Variants in BTNL8 observed in about 807,000 individuals in gnomAD.
The protein encoded by BTNL8 is butyrophilin-like protein 8.
BTNL8 carries 22 observed loss-of-function variants against 36.1 expected under a neutral mutation model. That is an observed-to-expected ratio of 0.61 (90% CI 0.44 to 0.87). BTNL8 has a LOEUF of 0.87. Among genes scored for constraint, BTNL8 ranks in the 40% least tolerant of loss-of-function variants. BTNL8 has a pLI of 0.00. For synonymous variants in BTNL8, 203 were observed against 235.6 expected (o/e 0.86, Z 1.27); for missense variants, 526 against 616.9 (o/e 0.85, Z 1.56).
chr5:180,920,795 C>A (rs2113805239), intron 3 of BTNL8, among the ~76,000 whole-genome samples: 1 of 152,084 alleles, frequency 6.6e-6, no homozygotes, highest in South Asian at 2.1e-4. Flanking sequence ...TAAACATTTT[C>A]CCCAAAAGAC....
intron 2 of BTNL8, chr5:180,909,430 G>A (rs1175484422): frequency 2.9e-5 from 13 of 442,840 alleles, no homozygotes; most frequent in Non-Finnish European, 3.6e-5. Flanking sequence ...AACAAATAAA[G>A]ATTCCTGCTC....
intron 1 of BTNL8, chr5:180,902,214 C>G: frequency 1.3e-6 from 1 of 758,800 alleles, no homozygotes; most frequent in Non-Finnish European, 2.0e-6. Flanking sequence ...AGCAAATGGG[C>G]AGATGGGAGA....
chr5:180,945,914 T>C (rs563341316), intron 3 of BTNL8: 5 of 279,694 alleles, frequency 1.8e-5, no homozygotes, highest in East Asian at 8.9e-5. Flanking sequence ...CTAAGTGCTC[T>C]TCCTTGAATG....
At chr5:180,923,510 G>A (rs1040993026) in intron 3 of BTNL8, among the ~76,000 whole-genome samples, 34 of 152,226 alleles carry the variant, frequency 2.2e-4, no homozygotes, top group Admixed American at 1.6e-3. Flanking sequence ...CAGAAGAGCA[G>A]TTCTTTCATC....
intron 1 of BTNL8, among the ~76,000 whole-genome samples, chr5:180,907,795 GC>G (rs1252413141): frequency 6.6e-6 from 1 of 151,788 alleles, no homozygotes; most frequent in Non-Finnish European, 1.5e-5. Context: ...GTGTCAGTGT[GC>G]CCCTGCTGGG....
intron 3 of BTNL8, among the ~76,000 whole-genome samples, chr5:180,938,577 C>T (rs1415189628): frequency 2.7e-5 from 4 of 148,710 alleles, no homozygotes; most frequent in Admixed American, 6.7e-5. Context: ...CTTGCTCTGT[C>T]GCCAGGCTGG....
Position 180,947,832 on chromosome 5 carries a change from T to C in BTNL8, c.787+207T>C, listed in dbSNP as rs946571952. ...ACTACGACAGCCCCTTGCTACTTCA[T>C]TTAGGTCAAATAATAAGGGGATGAA... On this transcript the variant is annotated intron_variant, in intron 4 of 7. Coordinates refer to ENST00000340184, the MANE Select transcript of BTNL8 (RefSeq NM_001040462.3). The C allele has an allele frequency of 5.3e-6, 8 of 1,513,240 alleles. No individual in the cohort carries two copies. In the Admixed American group the frequency reaches 1.6e-4, roughly 29 times the overall value. The allele number at this position is 1,513,240 out of a possible 1,614,324, so 93.7% of individuals were successfully genotyped here. A position where few individuals can be genotyped will look rare whatever the true frequency, so the allele number is the denominator to read the frequency against.
intron 3 of BTNL8, among the ~76,000 whole-genome samples, chr5:180,915,967 A>G (rs1430787744): frequency 6.6e-6 from 1 of 152,238 alleles, no homozygotes; most frequent in African/African-American, 2.4e-5. Context: ...ATGCTGCTGT[A>G]CCAGAATACC....
chr5:180,939,048 A>G (rs1438597746), intron 3 of BTNL8, among the ~76,000 whole-genome samples: 1 of 152,176 alleles, frequency 6.6e-6, no homozygotes, highest in African/African-American at 2.4e-5. Context: ...AGATATGAAA[A>G]TGAGAAAGAG....
intron 3 of BTNL8, among the ~76,000 whole-genome samples, chr5:180,914,164 G>A (rs1757523281): frequency 6.6e-6 from 1 of 152,194 alleles, no homozygotes; most frequent in South Asian, 2.1e-4. Context: ...TTTTTAGGAG[G>A]TGATTAAGTC....
intron 1 of BTNL8, among the ~76,000 whole-genome samples, chr5:180,899,924 C>T (rs1040910660): frequency 6.6e-6 from 1 of 152,132 alleles, no homozygotes; most frequent in African/African-American, 2.4e-5. Flanking sequence ...ATACAATTCA[C>T]AGAGGAAGCT....
At chr5:180,925,733 T>C (rs1758065789) in intron 3 of BTNL8, among the ~76,000 whole-genome samples, 1 of 152,168 alleles carries the variant, frequency 6.6e-6, no homozygotes, top group African/African-American at 2.4e-5. Flanking sequence ...AAATAATATA[T>C]AGTCATATTC....
At chr5:180,927,003 C>T (rs62406722) in intron 3 of BTNL8, among the ~76,000 whole-genome samples, 36,648 of 152,160 alleles carry the variant, frequency 0.24, 5,048 homozygotes, top group Admixed American at 0.3. Context: ...CAAGTGGGTC[C>T]CTGACCCCTG....
Position 180,911,504 on chromosome 5 carries a change from T to C in BTNL8, c.563T>C (p.Leu188Pro). 6.2e-7 allele frequency: 1 copy of C among 1,614,166 alleles called. No individual in the cohort carries two copies. The highest frequency in any genetic ancestry group is 8.5e-7 in the Non-Finnish European group (1 of 1,180,032). ...DSRTNRDMHG[L>P]FDVEISLTVQ... ...AGGACAAACAGAGACATGCATGGCC[T>C]GTTTGATGTGGAGATCTCTCTGACC... The change falls in exon 3 of 8, where the codon CTG becomes CCG. Residue 188 changes from leucine to proline, a missense_variant. Leu to Pro is a moderately conservative substitution (Grantham distance 98). Around this residue, in one of 2 missense-constraint regions of BTNL8, gnomAD observed 350 missense variants for 324.6 expected, o/e 1.08. Coordinates refer to ENST00000340184, the MANE Select transcript of BTNL8 (RefSeq NM_001040462.3).
At chr5:180,941,923 A>T in intron 3 of BTNL8, among the ~76,000 whole-genome samples, 1 of 53,370 alleles carries the variant, frequency 1.9e-5, no homozygotes, top group Admixed American at 1.7e-4. Flanking sequence ...TTATTCAACA[A>T]AGTACTGGAA....
At position 180,908,699 on chromosome 5, in the gene BTNL8, T is replaced by C; in HGVS notation, c.163T>C (p.Phe55Leu). 1 of 1,614,180 alleles carries C rather than the reference T, an allele frequency of 6.2e-7. No homozygotes were observed. Among genetic ancestry groups the C allele is most frequent in the Non-Finnish European group, 8.5e-7 (1 of 1,180,018 alleles). Residue 55 changes from phenylalanine to leucine, a missense_variant, in exon 2 of 8, where the codon TTC becomes CTC. This residue lies in a region of BTNL8 where 350 missense variants were observed against 324.6 expected (regional missense o/e 1.08). Coordinates refer to ENST00000340184, the MANE Select transcript of BTNL8 (RefSeq NM_001040462.3). ...CAATGCAGAGGCCATGGAAGTGCGGTTCTTCAGGGGCCAGTTCTCTAGCGT... is the reference window on the plus strand; with the variant it reads ...CAATGCAGAGGCCATGGAAGTGCGGCTCTTCAGGGGCCAGTTCTCTAGCGT... The part of the protein sequence containing the change: ...KTNAEAMEVR[F>L]FRGQFSSVVH...
At chr5:180,918,226 A>G (rs1757730273) in intron 3 of BTNL8, among the ~76,000 whole-genome samples, 1 of 152,156 alleles carries the variant, frequency 6.6e-6, no homozygotes. Flanking sequence ...CATAGATGCA[A>G]ACATTTCCAA....
intron 3 of BTNL8, among the ~76,000 whole-genome samples, chr5:180,947,287 T>TA (rs1329821957): frequency 6.6e-6 from 1 of 152,212 alleles, no homozygotes; most frequent in Non-Finnish European, 1.5e-5. Context: ...TGTAAAGGAA[T>TA]GTCCATTCAA....
chr5:180,900,319 C>A (rs1756770793), intron 1 of BTNL8, among the ~76,000 whole-genome samples: 1 of 152,122 alleles, frequency 6.6e-6, no homozygotes, highest in Non-Finnish European at 1.5e-5. Flanking sequence ...TCACAGCTTC[C>A]TTAGGTGTTG....
Sources: allele counts gnomAD v4.1 joint callset (sites outside exome capture counted in the v4.1 genomes callset), GRCh38; gene constraint gnomAD v4.1.1; regional missense constraint gnomAD v4.1.1; transcripts MANE v1.5; gene names NCBI Gene and HGNC (gene_info 2026-07-23, HGNC 2026-07-21).